The following AIG1 variants were observed in gnomAD, a reference collection of about 807,000 sequenced individuals.
AIG1 encodes the protein androgen-induced gene 1 protein.
In AIG1, 23 loss-of-function variants were observed where a neutral mutation model predicts 31.4. That is an observed-to-expected ratio of 0.73 (90% CI 0.53 to 1.04). AIG1 has a LOEUF of 1.04. Among genes scored for constraint, AIG1 ranks in the 50% least tolerant of loss-of-function variants. AIG1 has a pLI of 0.00. For synonymous variants in AIG1, 100 were observed against 110.5 expected, an observed-to-expected ratio of 0.90 and a Z score of 0.60; for missense variants, 274 against 295.0, an observed-to-expected ratio of 0.93 and a Z score of 0.52.
chr6:143,343,426 G>A (rs760953332), downstream of AIG1: 24 of 496,708 alleles, frequency 4.8e-5, no homozygotes, highest in African/African-American at 1.2e-4. Context: ...TTGTCCTGCC[G>A]GAGAGCCCCA....
At chr6:143,260,134 C>T (rs577653699) in intron 3 of AIG1, among the ~76,000 whole-genome samples, 1 of 150,998 alleles carries the variant, frequency 6.6e-6, no homozygotes, top group South Asian at 2.1e-4. Flanking sequence ...CAGCATTCTC[C>T]TCCTTCAGCC....
intron 3 of AIG1, among the ~76,000 whole-genome samples, chr6:143,269,322 C>CT (rs1796348908): frequency 6.6e-6 from 1 of 152,192 alleles, no homozygotes; most frequent in Non-Finnish European, 1.5e-5. Flanking sequence ...GTATCAAGTG[C>CT]TGGCAAGGAT....
chr6:143,232,417 TC>T (rs1330810675), intron 3 of AIG1, among the ~76,000 whole-genome samples: 1 of 152,150 alleles, frequency 6.6e-6, no homozygotes, highest in Non-Finnish European at 1.5e-5. Flanking sequence ...GACTCTGTCC[TC>T]CACCAAACCA....
rs776905261 is a variant in AIG1 at position 143,061,020 on chromosome 6, A to C, written c.95A>C (p.His32Pro). 2 of 1,612,748 alleles carry C rather than the reference A, an allele frequency of 1.2e-6. No individual in the cohort carries two copies. Among genetic ancestry groups the C allele is most frequent in the Non-Finnish European group, 1.7e-6 (2 of 1,179,626 alleles). The stretch of plus-strand genomic sequence containing the variant: ...TACAAGGCCATCGAAATGCCCTCAC[A>C]CCAGACCTACGGAGGGAGCTGGAAA... ...CNYKAIEMPS[H>P]QTYGGSWKFL... The change falls in exon 1 of 6, where the codon CAC becomes CCC. Residue 32 changes from histidine (H) to proline (P), a missense_variant. Physicochemically the swap from His to Pro is moderately conservative, Grantham distance 77. Transcript: ENST00000357847.
rs1776556047 is a variant in AIG1, at chr6:143,325,738, CA to C, written c.516-7540del. 1.3e-5 allele frequency among the ~76,000 whole-genome samples: 2 copies of C among 152,206 alleles called. No individual in the cohort carries two copies. Among genetic ancestry groups the C allele is most frequent in the African/African-American group, 4.8e-5 (2 of 41,460 alleles). ...ACACATAACTGAAATAGAAGTTTCA[CA>C]AAATAATTCTTATCATCATTATATG... On this transcript the variant is annotated intron_variant, in intron 4 of 5. Transcript: ENST00000357847. This position sits in a 1 kb window ranked among gnomAD's most constrained non-coding sequence, Gnocchi z 4.3.
intron 3 of AIG1, among the ~76,000 whole-genome samples, chr6:143,185,998 C>T (rs1051194820): frequency 1.3e-5 from 2 of 152,158 alleles, no homozygotes; most frequent in Admixed American, 6.5e-5. Flanking sequence ...TTATAATTTT[C>T]AGGATCCATA....
In AIG1 at chr6:143,072,862, T is replaced by C. The variant is rs151017057; in HGVS notation, c.141+11796T>C. 2.2e-3 allele frequency among the ~76,000 whole-genome samples: 333 copies of C among 152,336 alleles called. 2 individuals are homozygous for C. The highest frequency in any genetic ancestry group is 7.5e-3 in the African/African-American group (312 of 41,584). On this transcript the variant is annotated intron_variant, in intron 1 of 5. Transcript: ENST00000357847. ...ATCCATTATTTCACAGATTTGCCCATTTTTTGATTTTGTGGCAAGAGCCAC... is the reference window on the plus strand; with the variant it reads ...ATCCATTATTTCACAGATTTGCCCACTTTTTGATTTTGTGGCAAGAGCCAC...
intron 3 of AIG1, among the ~76,000 whole-genome samples, chr6:143,274,221 C>G (rs1053033293): frequency 6.6e-6 from 1 of 152,112 alleles, no homozygotes; most frequent in African/African-American, 2.4e-5. Flanking sequence ...ATTCTTTTAT[C>G]CTTCGGTTGT....
At position 143,280,040 on chromosome 6, in the gene AIG1, A is replaced by G. The variant is rs1215946695; in HGVS notation, c.400-4070A>G. 1.3e-5 allele frequency among the ~76,000 whole-genome samples: 2 copies of G among 152,366 alleles called. No homozygotes were observed. Among genetic ancestry groups the G allele is most frequent in the East Asian group, 3.9e-4 (2 of 5,192 alleles). On this transcript the variant is annotated intron_variant, in intron 3 of 5. Coordinates refer to ENST00000357847, the MANE Select transcript of AIG1 (RefSeq NM_016108.4). The surrounding 1 kb of genome is among the most constrained non-coding windows in gnomAD (Gnocchi z 4.1). ...AAACAATTCTTAAGAGCTAAGAGCC[A>G]CCTTTGGTGACTAGACTTTGTAACC... is the stretch of plus-strand genomic sequence containing the variant.
intron 4 of AIG1, among the ~76,000 whole-genome samples, chr6:143,320,569 C>T (rs912606661): frequency 1.3e-5 from 2 of 152,040 alleles, no homozygotes; most frequent in African/African-American, 4.8e-5. Context: ...TGGATTAAGC[C>T]GAAATGACAT....
At chr6:143,126,990 A>T (rs1226077426) in intron 1 of AIG1, among the ~76,000 whole-genome samples, 1 of 152,088 alleles carries the variant, frequency 6.6e-6, no homozygotes, top group Admixed American at 6.6e-5. Flanking sequence ...CAAGTAGGGG[A>T]GAAGAAGTAG....
chr6:143,168,357 T>A (rs954782786), intron 3 of AIG1, among the ~76,000 whole-genome samples: 1 of 151,334 alleles, frequency 6.6e-6, no homozygotes, highest in Non-Finnish European at 1.5e-5. Context: ...GCTGCACCCA[T>A]TAACTCTTCA....
intron 3 of AIG1, among the ~76,000 whole-genome samples, chr6:143,166,931 A>T (rs536153819): frequency 1.3e-5 from 2 of 152,210 alleles, no homozygotes; most frequent in Non-Finnish European, 2.9e-5. Flanking sequence ...GCCACATTTT[A>T]TCTGAACAAG....
chr6:143,321,508 G>A (rs948594270), intron 4 of AIG1, among the ~76,000 whole-genome samples: 3 of 151,972 alleles, frequency 2.0e-5, no homozygotes, highest in African/African-American at 7.3e-5. Context: ...CTGAGGCAGA[G>A]AATCTCTTGA....
intron 3 of AIG1, among the ~76,000 whole-genome samples, chr6:143,236,768 A>G (rs1487998797): frequency 1.3e-5 from 2 of 152,234 alleles, no homozygotes; most frequent in East Asian, 3.8e-4. Context: ...ACACATTTGC[A>G]TCAAGTCAAC....
At chr6:143,213,609 T>C (rs78620015) in intron 3 of AIG1, among the ~76,000 whole-genome samples, 2 of 75,768 alleles carry the variant, frequency 2.6e-5, no homozygotes, top group Non-Finnish European at 6.3e-5. Context: ...CTCTGCCTCC[T>C]GGGTTCAAGC....
intron 1 of AIG1, among the ~76,000 whole-genome samples, chr6:143,083,683 C>G (rs1304375464): frequency 2.0e-5 from 3 of 152,120 alleles, no homozygotes; most frequent in Admixed American, 2.0e-4. Flanking sequence ...CTTTTAGGTC[C>G]TTAACAATCT....
chr6:143,164,390 T>A lies in AIG1; in HGVS notation c.298-692T>A, dbSNP rs185830373. On this transcript the variant is annotated intron_variant, in intron 2 of 5. Transcript: ENST00000357847. The stretch of plus-strand genomic sequence containing the variant: ...AAGGGTAAAATAATACATTGAGTAC[T>A]CTACTCTCTTTTGATGATTATGTTG... 1.8e-3 allele frequency among the ~76,000 whole-genome samples: 281 copies of A among 152,328 alleles called. 2 individuals are homozygous for A. The highest frequency in any genetic ancestry group is 0.017 in the Middle Eastern group (5 of 294).
At chr6:143,079,643 G>T (rs190406066) in intron 1 of AIG1, among the ~76,000 whole-genome samples, 2 of 152,108 alleles carry the variant, frequency 1.3e-5, no homozygotes, top group East Asian at 3.9e-4. Flanking sequence ...ACATTTTTCC[G>T]TGCCATTATA....
Sources: allele counts gnomAD v4.1 joint callset (sites outside exome capture counted in the v4.1 genomes callset), GRCh38; gene constraint gnomAD v4.1.1; non-coding constraint Gnocchi (gnomAD v3.1); transcripts MANE v1.5; gene names NCBI Gene and HGNC (gene_info 2026-07-23, HGNC 2026-07-21).